Variants in PAK3 observed in about 807,000 individuals in gnomAD.
The protein encoded by PAK3 is p21 (RAC1) activated kinase 3.
A neutral mutation model predicts 41.0 loss-of-function variants in PAK3; 4 were observed. The ratio of observed to expected loss-of-function variants is 0.10; its 90% CI spans 0.05 to 0.22. The LOEUF is 0.22. PAK3 is among the 10% of genes least tolerant of loss of function. PAK3 has a pLI of 1.00. For missense variants in PAK3, 205 were observed against 409.9 expected (o/e 0.50, Z 4.32); for synonymous variants, 146 against 139.6 (o/e 1.05, Z -0.32).
upstream of PAK3, among the ~76,000 whole-genome samples, chrX:111,091,895 T>C (rs369025820): frequency 2.2e-4 from 24 of 111,604 alleles, no homozygotes; most frequent in East Asian, 3.7e-3. Context: ...TTTTTTTTAG[T>C]GCAGCTGCTG....
intron 1 of PAK3, among the ~76,000 whole-genome samples, chrX:110,948,770 C>A (rs760671950): frequency 8.9e-6 from 1 of 111,801 alleles, no homozygotes; most frequent in African/African-American, 3.3e-5. Context: ...TAGCTCTTCT[C>A]TGCATGAAAG....
intron 3 of PAK3, among the ~76,000 whole-genome samples, chrX:111,099,893 A>C (rs2093092925): frequency 2.8e-5 from 3 of 108,140 alleles, no homozygotes; most frequent in South Asian, 4.3e-4. Context: ...AGACAGGTCC[A>C]CTAAAGTATA....
intron 17 of PAK3, chrX:111,216,815 A>G (rs776810084): frequency 5.2e-6 from 2 of 383,425 alleles, no homozygotes; most frequent in Non-Finnish European, 6.7e-6. Context: ...GAAAAAAAAA[A>G]AAGCAATGTG....
Position 111,058,162 on chromosome X carries a change from G to A in PAK3, c.-27-64915G>A, listed in dbSNP as rs777020095. On this transcript the variant is annotated intron_variant, in intron 1 of 14. Transcript: ENST00000425146. ...AATATTCCTATACAAGTTTTTGTGTGGGCGTGTGTTTTCATTTCACTTGGG... is the reference window on the plus strand; with the variant it reads ...AATATTCCTATACAAGTTTTTGTGTAGGCGTGTGTTTTCATTTCACTTGGG... 8.0e-5 allele frequency among the ~76,000 whole-genome samples: 9 copies of A among 111,879 alleles called. No individual in the cohort carries two copies. In the East Asian group the frequency reaches 2.5e-3, roughly 31 times the overall value.
At chrX:111,179,018 T>G (rs978283954) in intron 11 of PAK3, among the ~76,000 whole-genome samples, 1 of 105,910 alleles carries the variant, frequency 9.4e-6, no homozygotes, top group Non-Finnish European at 1.9e-5. Context: ...TATCTATATA[T>G]ATATATATAT....
intron 16 of PAK3, among the ~76,000 whole-genome samples, chrX:111,214,584 C>A (rs1254480883): frequency 9.0e-6 from 1 of 111,432 alleles, no homozygotes; most frequent in East Asian, 2.8e-4. Context: ...ATTCTTGGGC[C>A]CCTGCCCATA....
At position 110,979,939 on chromosome X, in the gene PAK3, T is replaced by C. The variant is rs1271471508; in HGVS notation, c.-28+35311T>C. On this transcript the variant is annotated intron_variant, in intron 1 of 14. Coordinates refer to the PAK3 transcript ENST00000425146. ...TCTGTGGATGAATCTACTTCCAAGC[T>C]CATTCAGGTGTAGGCAGAATTCAGT... Among the ~76,000 whole-genome samples the C allele has an allele frequency of 5.4e-5, 6 of 112,023 alleles. No individual in the cohort carries two copies. In the East Asian group the frequency reaches 1.7e-3, roughly 32 times the overall value.
At chrX:111,014,452 G>C (rs1382459301) in intron 1 of PAK3, among the ~76,000 whole-genome samples, 1 of 111,422 alleles carries the variant, frequency 9.0e-6, no homozygotes, top group African/African-American at 3.3e-5. Context: ...GAGAAAGTAG[G>C]GAAGCTCTGG....
At chrX:110,959,589 C>G (rs2090936442) in intron 1 of PAK3, among the ~76,000 whole-genome samples, 1 of 111,415 alleles carries the variant, frequency 9.0e-6, no homozygotes, top group Non-Finnish European at 1.9e-5. Flanking sequence ...ATTCATTTGG[C>G]CTGAAGAGGG....
intron 16 of PAK3, among the ~76,000 whole-genome samples, chrX:111,202,749 G>A (rs144935627): frequency 0.011 from 1,246 of 111,528 alleles, 19 homozygotes; most frequent in African/African-American, 0.038. Flanking sequence ...TTATCAACAG[G>A]TTTTGATGGA....
chrX:111,160,552 G>A (rs900324398), intron 8 of PAK3, among the ~76,000 whole-genome samples: 1 of 108,797 alleles, frequency 9.2e-6, no homozygotes, highest in Non-Finnish European at 1.9e-5. Flanking sequence ...TGCCATGTTG[G>A]TGTGCTGCAC....
intron 1 of PAK3, among the ~76,000 whole-genome samples, chrX:111,059,301 GGT>G (rs1464215209): frequency 2.7e-5 from 3 of 110,105 alleles, no homozygotes; most frequent in African/African-American, 9.9e-5. Context: ...TAGAACTACA[GGT>G]GTGTAACACC....
In PAK3 at chrX:111,071,847, A is replaced by C. The variant is rs1309590675; in HGVS notation, c.-27-51230A>C. 4.5e-5 allele frequency among the ~76,000 whole-genome samples: 5 copies of C among 112,079 alleles called. 1 individual carries two copies. The highest frequency in any genetic ancestry group is 1.6e-4 in the African/African-American group (5 of 30,865). ...GATACTTTCTCTGAATTTTCCCATT[A>C]AGTTTCTCAGTTTTCTAAATACAAG... On this transcript the variant is annotated intron_variant, in intron 1 of 14. Transcript: ENST00000425146.
rs149032371 is a variant in PAK3 at position 111,148,085 on chromosome X, T to C, written c.430+195T>C. On this transcript the variant is annotated intron_variant, in intron 7 of 17. Coordinates refer to ENST00000372007, the MANE Select transcript of PAK3 (RefSeq NM_002578.5). ...TTATATAACTCAAGTATGTTTAGAATCAAAATAAGGTAATTATTTAGTGAA... is the reference window on the plus strand; with the variant it reads ...TTATATAACTCAAGTATGTTTAGAACCAAAATAAGGTAATTATTTAGTGAA... Among the ~76,000 whole-genome samples the C allele has an allele frequency of 2.2e-4, 25 of 112,227 alleles. No individual in the cohort carries two copies. The East Asian group carries it at 6.7e-3, about 30-fold the overall frequency.
chrX:111,063,752 A>G (rs368526572), intron 1 of PAK3, among the ~76,000 whole-genome samples: 2 of 108,490 alleles, frequency 1.8e-5, no homozygotes, highest in East Asian at 5.8e-4. Context: ...CTTGAACCCT[A>G]TAGGAGAAGG....
intron 10 of PAK3, among the ~76,000 whole-genome samples, chrX:111,165,610 C>T (rs2094245146): frequency 8.9e-6 from 1 of 112,125 alleles, no homozygotes; most frequent in African/African-American, 3.2e-5. Context: ...AGAATTGCCT[C>T]GATAATTTAA....
At chrX:111,139,166 G>A (rs1412772759) in intron 5 of PAK3, among the ~76,000 whole-genome samples, 1 of 111,145 alleles carries the variant, frequency 9.0e-6, no homozygotes, top group East Asian at 2.8e-4. Flanking sequence ...CAGTTTAGGA[G>A]ATAGAATATA....
intron 1 of PAK3, among the ~76,000 whole-genome samples, chrX:111,038,725 G>T (rs1430396472): frequency 1.8e-5 from 2 of 112,020 alleles, no homozygotes; most frequent in Non-Finnish European, 3.8e-5. Flanking sequence ...GTGACATGAG[G>T]ATAATAATAG....
At chrX:111,008,448 G>A (rs1433500051) in intron 1 of PAK3, among the ~76,000 whole-genome samples, 1 of 112,798 alleles carries the variant, frequency 8.9e-6, no homozygotes, top group East Asian at 2.8e-4. Flanking sequence ...TCCTCCAGTA[G>A]ACCCTCTCCA....
Sources: gnomAD v4.1 joint callset for allele counts (sites outside exome capture counted in the v4.1 genomes callset) on GRCh38, gnomAD v4.1.1 for gene constraint, MANE v1.5 for transcripts, NCBI Gene and HGNC (gene_info 2026-07-23, HGNC 2026-07-21) for gene names.